Variants in STK31 observed in about 807,000 individuals in gnomAD.
The protein encoded by STK31 is serine/threonine-protein kinase 31.
Under a neutral mutation model 129.7 loss-of-function variants are expected in STK31, and 89 were observed. The ratio of observed to expected loss-of-function variants is 0.69; its 90% CI spans 0.58 to 0.82. STK31 has a LOEUF of 0.82. STK31 is among the 40% of genes least tolerant of loss of function. The probability of loss-of-function intolerance (pLI) is 0.00; values close to 1 mark genes in which losing one functional copy is unlikely to be tolerated. For missense variants in STK31, 1,187 were observed against 1,176.4 expected (o/e 1.01, Z -0.13); for synonymous variants, 448 against 395.3 (o/e 1.13, Z -1.58).
intron 6 of STK31, among the ~76,000 whole-genome samples, chr7:23,730,878 A>ATATATATATATATATATATTTTTTTTT: frequency 1.7e-4 from 10 of 59,538 alleles, no homozygotes; most frequent in Non-Finnish European, 2.6e-4. Flanking sequence ...ATATATATAT[A>ATATATATATATATATATATTTTTTTTT]TTTTTTTTTT....
chr7:23,829,037 A>T (rs926157371), intron 23 of STK31, among the ~76,000 whole-genome samples: 21 of 151,340 alleles, frequency 1.4e-4, no homozygotes, highest in African/African-American at 5.1e-4. Context: ...AGTAGCTGGG[A>T]TTACAGGCGC....
chr7:23,812,560 T>G (rs1332687138), intron 22 of STK31, among the ~76,000 whole-genome samples: 1 of 152,090 alleles, frequency 6.6e-6, no homozygotes, highest in Non-Finnish European at 1.5e-5. Flanking sequence ...CAAGTGCAGT[T>G]TTGTTACACA....
chr7:23,827,482 C>G (rs1001344717), intron 23 of STK31, among the ~76,000 whole-genome samples: 4 of 152,076 alleles, frequency 2.6e-5, no homozygotes, highest in Admixed American at 2.6e-4. Flanking sequence ...ATTGGTTATT[C>G]TAGTTATCCA....
chr7:23,780,647 T>C (rs1282609722), intron 15 of STK31, among the ~76,000 whole-genome samples: 2 of 152,216 alleles, frequency 1.3e-5, no homozygotes, highest in South Asian at 2.1e-4. Flanking sequence ...GAATCAGATA[T>C]GCATTTGTCT....
chr7:23,713,990 A>C (rs906442944), intron 3 of STK31, among the ~76,000 whole-genome samples: 3 of 152,202 alleles, frequency 2.0e-5, no homozygotes, highest in African/African-American at 7.2e-5. Context: ...TTACACCAGC[A>C]TCACCACAAA....
chr7:23,812,133 G>A (rs536347297), intron 22 of STK31, among the ~76,000 whole-genome samples: 2 of 152,178 alleles, frequency 1.3e-5, no homozygotes, highest in South Asian at 4.1e-4. Context: ...ATTGTGTCTA[G>A]TGACAAATTC....
At chr7:23,738,918 A>G (rs1003118996) in intron 8 of STK31, among the ~76,000 whole-genome samples, 5 of 152,196 alleles carry the variant, frequency 3.3e-5, no homozygotes, top group African/African-American at 1.2e-4. Context: ...GCCATTGTAA[A>G]TAGTGCTGCA....
chr7:23,754,551 A>T (rs1788935264), intron 10 of STK31, 77 bp downstream of exon 10: 3 of 1,466,296 alleles, frequency 2.0e-6, no homozygotes, highest in Non-Finnish European at 2.8e-6. Flanking sequence ...TCTTCTAAAA[A>T]AAATAACAGG....
intron 23 of STK31, among the ~76,000 whole-genome samples, chr7:23,829,067 A>AT (rs111754673): frequency 1.2e-3 from 178 of 143,474 alleles, no homozygotes; most frequent in Non-Finnish European, 1.5e-3. Flanking sequence ...TGCCCAGCAA[A>AT]TTTTTTTTTT....
chr7:23,786,773 A>G (rs1351591641), intron 19 of STK31, 65 bp from the exon 20 acceptor site: 22 of 1,560,550 alleles, frequency 1.4e-5, no homozygotes, highest in South Asian at 5.8e-5. Context: ...CATAGAATCA[A>G]TGTATGCTAA....
At chr7:23,812,057 C>G (rs983740001) in intron 22 of STK31, among the ~76,000 whole-genome samples, 4 of 152,146 alleles carry the variant, frequency 2.6e-5, no homozygotes, top group African/African-American at 9.7e-5. Flanking sequence ...CTTCCTGATG[C>G]TCCAAGACTC....
At chr7:23,783,749 T>C (rs773535051) in intron 17 of STK31, 86 bp downstream of exon 17, 9 of 1,066,700 alleles carry the variant, frequency 8.4e-6, no homozygotes, top group Middle Eastern at 2.2e-4. Flanking sequence ...GTTAAACTTA[T>C]AGTATCTTTT....
intron 6 of STK31, among the ~76,000 whole-genome samples, chr7:23,733,594 G>T (rs1455759763): frequency 6.6e-6 from 1 of 151,848 alleles, no homozygotes; most frequent in African/African-American, 2.4e-5. Context: ...GGATCACGAG[G>T]TCAGGAGATC....
rs1787940453 is a variant in STK31 at position 23,739,706 on chromosome 7, C to T, written c.1017+2628C>T. ...TTTCTTCATATGGCTAGCCAGTTTTCCCAACACCGTTTATAAAATAGGGAA... is the reference window on the plus strand; with the variant it reads ...TTTCTTCATATGGCTAGCCAGTTTTTCCAACACCGTTTATAAAATAGGGAA... On this transcript the variant is annotated intron_variant, in intron 8 of 23. Coordinates refer to ENST00000355870, the MANE Select transcript of STK31 (RefSeq NM_031414.5). 2.0e-5 allele frequency among the ~76,000 whole-genome samples: 3 copies of T among 152,158 alleles called. No homozygotes were observed. In the South Asian group the frequency reaches 6.2e-4, roughly 32 times the overall value.
chr7:23,752,756 G>A lies in STK31; in HGVS notation c.1057G>A (p.Glu353Lys), dbSNP rs760501994. 2 of 1,613,834 alleles carry A rather than the reference G, an allele frequency of 1.2e-6. No homozygotes were observed. The highest frequency in any genetic ancestry group is 3.3e-5 in the Admixed American group (2 of 59,984). The change falls in exon 9 of 24, where the codon GAA (glutamate) becomes AAA (lysine). Residue 353 changes from glutamate (E) to lysine (K), a missense_variant. Physicochemically the swap from Glu to Lys is moderately conservative, Grantham distance 56 (BLOSUM62 1). This residue lies in a region of STK31 where 975 missense variants were observed against 934.9 expected (regional missense o/e 1.04). Transcript: ENST00000355870. ...TGCTGTGGATTTGACTAACCACTTA[G>A]AATACACTCTGAAGACCTATATAGA... Reference protein sequence around the residue: ...AAAVDLTNHLEYTLKTYIDTR... With the variant: ...AAAVDLTNHLKYTLKTYIDTR...
At chr7:23,805,844 C>T (rs1792674877) in intron 22 of STK31, among the ~76,000 whole-genome samples, 1 of 152,136 alleles carries the variant, frequency 6.6e-6, no homozygotes, top group Non-Finnish European at 1.5e-5. Context: ...TAACATCCTC[C>T]CTTGGTGAGA....
At chr7:23,813,699 G>A (rs1448860446) in intron 22 of STK31, among the ~76,000 whole-genome samples, 1 of 152,192 alleles carries the variant, frequency 6.6e-6, no homozygotes, top group Non-Finnish European at 1.5e-5. Flanking sequence ...AACTTTTCAA[G>A]GCTGAACTGC....
intron 16 of STK31, among the ~76,000 whole-genome samples, chr7:23,783,060 C>T (rs1307177819): frequency 6.6e-6 from 1 of 151,934 alleles, no homozygotes; most frequent in East Asian, 1.9e-4. Context: ...AGCTGAATCA[C>T]AGCATATTCG....
chr7:23,767,559 C>CT (rs1789908341), intron 11 of STK31, among the ~76,000 whole-genome samples: 1 of 152,198 alleles, frequency 6.6e-6, no homozygotes, highest in African/African-American at 2.4e-5. Context: ...TTTCCAGGCA[C>CT]TACCACCCTT....
Sources: gnomAD v4.1 joint callset for allele counts (sites outside exome capture counted in the v4.1 genomes callset) on GRCh38, gnomAD v4.1.1 for gene constraint, gnomAD v4.1.1 regional missense constraint, MANE v1.5 for transcripts, NCBI Gene and HGNC (gene_info 2026-07-23, HGNC 2026-07-21) for gene names.